Variants in SKAP1 observed in about 807,000 individuals in gnomAD.
SKAP1 encodes src kinase associated phosphoprotein 1, also known as src kinase-associated phosphoprotein 1.
A neutral mutation model predicts 58.5 loss-of-function variants in SKAP1; 44 were observed. The observed-to-expected ratio is 0.75, with a 90% confidence interval of 0.59 to 0.97. SKAP1 has a LOEUF of 0.97. Ranked by LOEUF, SKAP1 falls within the 50% of genes least tolerant of loss-of-function variation. SKAP1 has a pLI of 0.00. For missense variants in SKAP1, 390 were observed against 435.2 expected, an observed-to-expected ratio of 0.90 and a Z score of 0.92; for synonymous variants, 127 against 149.7, an observed-to-expected ratio of 0.85 and a Z score of 1.11.
At chr17:48,262,503 G>A (rs2065496308) in intron 4 of SKAP1, among the ~76,000 whole-genome samples, 1 of 152,116 alleles carries the variant, frequency 6.6e-6, no homozygotes, top group South Asian at 2.1e-4. Flanking sequence ...TGGGCAATGT[G>A]ACATTATATT....
chr17:48,444,795 T>C, the SKAP1 span, among the ~76,000 whole-genome samples: 1 of 152,106 alleles, frequency 6.6e-6, no homozygotes. Flanking sequence ...GGAAGCCCAG[T>C]CCACCGGAAG....
intron 4 of SKAP1, among the ~76,000 whole-genome samples, chr17:48,325,864 T>C (rs1289988677): frequency 6.6e-6 from 1 of 152,242 alleles, no homozygotes; most frequent in East Asian, 1.9e-4. Flanking sequence ...TTCCAGACTT[T>C]GACCTTCTTC....
At chr17:48,170,710 TTC>T in intron 9 of SKAP1, 51 bp from the exon 10 acceptor site, 1 of 1,494,182 alleles carries the variant, frequency 6.7e-7, no homozygotes, top group Admixed American at 1.8e-5. Context: ...CAGTCTCATG[TTC>T]TTTTTTTTTT....
rs559563054 is a variant in SKAP1, at chr17:48,420,031, G to A, written c.46+10044C>T. Among the ~76,000 whole-genome samples, 156 of 152,204 alleles carry A rather than the reference G, an allele frequency of 1.0e-3. 3 individuals carry two copies. Among genetic ancestry groups the A allele is most frequent in the South Asian group, 4.4e-3 (21 of 4,822 alleles). On this transcript the variant is annotated intron_variant, in intron 1 of 12. Coordinates refer to ENST00000336915, the MANE Select transcript of SKAP1 (RefSeq NM_003726.4). ...AGTGGAACTCAAAGACTCCAAACCT[G>A]AAAATCCATCTGTTATAATCACCTA...
chr17:48,343,568 G>T (rs1242557345), intron 4 of SKAP1, among the ~76,000 whole-genome samples: 1 of 151,884 alleles, frequency 6.6e-6, no homozygotes, highest in African/African-American at 2.4e-5. Flanking sequence ...TTCATGCATA[G>T]AACTAAAAAC....
At chr17:48,373,501 G>A (rs1351540354) in intron 2 of SKAP1, among the ~76,000 whole-genome samples, 1 of 151,998 alleles carries the variant, frequency 6.6e-6, no homozygotes. Flanking sequence ...CTTTCCTATT[G>A]GCTGTAATAT....
intron 4 of SKAP1, among the ~76,000 whole-genome samples, chr17:48,209,760 C>T (rs1326132975): frequency 1.3e-5 from 2 of 152,176 alleles, no homozygotes; most frequent in Non-Finnish European, 2.9e-5. Context: ...ATACTTTTCC[C>T]CTCAGAAGTC....
At position 48,430,125 on chromosome 17, in the gene SKAP1, C is replaced by A. The variant is rs1256881375; in HGVS notation, c.-5G>T. The A allele has an allele frequency of 7.9e-7, 1 of 1,260,434 alleles. No individual in the cohort carries two copies. Among genetic ancestry groups the A allele is most frequent in the Non-Finnish European group, 1.0e-6 (1 of 995,276 alleles). 78.1% of individuals were successfully genotyped at this position (1,260,434 alleles called of 1,614,324 possible). Reference sequence around the variant, plus strand: ...AGGGAGGGCGGCGGCCTGCATTTGGCTGGGCGGGAGAGAGGCGGGACGGGG... The same window carrying A: ...AGGGAGGGCGGCGGCCTGCATTTGGATGGGCGGGAGAGAGGCGGGACGGGG... On this transcript the variant is annotated 5_prime_UTR_variant, in exon 1 of 13. Transcript: ENST00000336915.
chr17:48,197,257 CAAAAAAA>C (rs35979686), intron 4 of SKAP1, among the ~76,000 whole-genome samples: 1 of 97,616 alleles, frequency 1.0e-5, no homozygotes, highest in Non-Finnish European at 2.0e-5. Context: ...GACTCCGACT[CAAAAAAA>C]AAAAAAAAAA....
At chr17:48,430,910 G>C (rs192213157), upstream of SKAP1, among the ~76,000 whole-genome samples, 1 of 152,236 alleles carries the variant, frequency 6.6e-6, no homozygotes, top group East Asian at 1.9e-4. Context: ...AAAATCACAC[G>C]GTCTCATTCA....
the SKAP1 span, among the ~76,000 whole-genome samples, chr17:48,436,810 C>T: frequency 2.3e-3 from 344 of 152,292 alleles, 4 homozygotes; most frequent in Admixed American, 6.1e-3. Context: ...GGATATCTCT[C>T]CCAAGAGCAT....
At chr17:48,331,059 G>A (rs954790316) in intron 4 of SKAP1, among the ~76,000 whole-genome samples, 3 of 152,134 alleles carry the variant, frequency 2.0e-5, no homozygotes, top group Admixed American at 6.5e-5. Flanking sequence ...ATCAGTCTGA[G>A]GGACCCTAGA....
rs776134630 is a variant in SKAP1 at position 48,180,098 on chromosome 17, G to A, written c.782C>T (p.Pro261Leu). The A allele has an allele frequency of 6.8e-6, 11 of 1,610,716 alleles. 1 individual carries two copies. The South Asian group carries it at 1.1e-4, about 16-fold the overall frequency. Residue 261 changes from proline to leucine, a missense_variant, in exon 9 of 13, where the codon CCT becomes CTT. Pro to Leu is a moderately conservative substitution (Grantham distance 98). Transcript: ENST00000336915. Reference protein sequence around the residue: ...ILPGSVGIKEPTEEKEEEDIY... With the variant: ...ILPGSVGIKELTEEKEEEDIY... ...ATCTTCTTCTTCTTTCTCCTCTGTA[G>A]GCTCTTTTATCCCCACACTCCCAGG...
In SKAP1 at chr17:48,146,052, C is replaced by T. The variant is rs1181942508; in HGVS notation, c.979-8715G>A. On this transcript the variant is annotated intron_variant, in intron 11 of 12. Transcript: ENST00000336915. ...TGAGGCCCAGAACTTTCATCAGATT[C>T]TCAAAGGGTTTATGAACCCTTTGCA... is the stretch of plus-strand genomic sequence containing the variant. 2.0e-5 allele frequency among the ~76,000 whole-genome samples: 3 copies of T among 152,210 alleles called. No individual in the cohort carries two copies. In the East Asian group the frequency reaches 5.8e-4, roughly 29 times the overall value.
At chr17:48,176,447 CGGT>C (rs576272989) in intron 9 of SKAP1, among the ~76,000 whole-genome samples, 1 of 152,026 alleles carries the variant, frequency 6.6e-6, no homozygotes, top group African/African-American at 2.4e-5. Context: ...AAAATAACTT[CGGT>C]GGTGGTGGTG....
chr17:48,377,459 T>C (rs999363230), intron 2 of SKAP1: 4 of 151,504 alleles, frequency 2.6e-5, no homozygotes, highest in East Asian at 1.9e-4. Context: ...GTACCTGTGG[T>C]CCCAGCTACC....
intron 7 of SKAP1, among the ~76,000 whole-genome samples, chr17:48,183,661 C>G (rs1274631193): frequency 6.6e-6 from 1 of 151,994 alleles, no homozygotes; most frequent in Non-Finnish European, 1.5e-5. Flanking sequence ...GGATGTGTTA[C>G]TATCAGAATG....
chr17:48,209,022 C>G (rs1263818195), intron 4 of SKAP1, among the ~76,000 whole-genome samples: 3 of 152,136 alleles, frequency 2.0e-5, no homozygotes, highest in Admixed American at 1.3e-4. Flanking sequence ...TCACCACTAC[C>G]TCTATAATAT....
rs1187467955 is a variant in SKAP1, at chr17:48,152,514, T to C, written c.978+9955A>G. Among the ~76,000 whole-genome samples, 5 of 152,324 alleles carry C rather than the reference T, an allele frequency of 3.3e-5. No individual in the cohort carries two copies. The East Asian group carries it at 7.7e-4, about 23-fold the overall frequency. ...AAATCTCTGTCTAATAAATGTGCAG[T>C]TGACTCTGGAGGAGCTGCTTGTTAT... On this transcript the variant is annotated intron_variant, in intron 11 of 12. Coordinates refer to ENST00000336915, the MANE Select transcript of SKAP1 (RefSeq NM_003726.4).
Sources: gnomAD v4.1 joint callset for allele counts (sites outside exome capture counted in the v4.1 genomes callset) on GRCh38, gnomAD v4.1.1 for gene constraint, MANE v1.5 for transcripts, NCBI Gene and HGNC (gene_info 2026-07-23, HGNC 2026-07-21) for gene names.